Variants in ROBO2 observed in about 807,000 individuals in gnomAD.
ROBO2 encodes the protein roundabout guidance receptor 2.
A neutral mutation model predicts 160.8 loss-of-function variants in ROBO2; 53 were observed. The ratio of observed to expected loss-of-function variants is 0.33; its 90% CI spans 0.26 to 0.41. The LOEUF (loss-of-function observed/expected upper bound fraction) is 0.41, where lower values mean the gene tolerates loss of function less well. Among genes scored for constraint, ROBO2 ranks in the 10% least tolerant of loss-of-function variants. The pLI is 1.00. For missense variants in ROBO2, 1,577 were observed against 1,722.4 expected, an observed-to-expected ratio of 0.92 and a Z score of 1.49; for synonymous variants, 664 against 611.7, an observed-to-expected ratio of 1.09 and a Z score of -1.26.
At chr3:77,443,073 G>A (rs1439513682) in intron 2 of ROBO2, among the ~76,000 whole-genome samples, 1 of 152,116 alleles carries the variant, frequency 6.6e-6, no homozygotes, top group African/African-American at 2.4e-5. Flanking sequence ...ATCAAATATT[G>A]TTGCCATTCT....
chr3:77,493,515 C>T, intron 5 of ROBO2, 133 bp downstream of exon 5: 1 of 933,880 alleles, frequency 1.1e-6, no homozygotes, highest in Non-Finnish European at 1.7e-6. Context: ...TTTACATATG[C>T]AAGCCACATA....
chr3:77,570,054 T>C (rs748579447), intron 13 of ROBO2, among the ~76,000 whole-genome samples: 2 of 151,934 alleles, frequency 1.3e-5, no homozygotes, highest in Non-Finnish European at 2.9e-5. Flanking sequence ...CTTTTCTATC[T>C]TTCAGTACCC....
At chr3:76,699,572 G>A (rs1465103298) in intron 2 of ROBO2, among the ~76,000 whole-genome samples, 18 of 152,092 alleles carry the variant, frequency 1.2e-4, no homozygotes, top group Non-Finnish European at 2.6e-4. Context: ...CCCAGACTTG[G>A]AGGCAATGTA....
At chr3:77,417,276 A>G (rs1013047770) in intron 2 of ROBO2, among the ~76,000 whole-genome samples, 23 of 151,814 alleles carry the variant, frequency 1.5e-4, no homozygotes, top group African/African-American at 4.3e-4. Flanking sequence ...GTAAGTTACA[A>G]GATGGGCCAG....
chr3:77,597,811 CTT>C (rs1323208067), intron 19 of ROBO2, among the ~76,000 whole-genome samples: 1 of 151,998 alleles, frequency 6.6e-6, no homozygotes, highest in Non-Finnish European at 1.5e-5. Context: ...TTCCTAATGA[CTT>C]GAGTATAAAA....
chr3:77,295,101 G>A (rs984394063), intron 2 of ROBO2, among the ~76,000 whole-genome samples: 4 of 151,024 alleles, frequency 2.6e-5, no homozygotes, highest in African/African-American at 7.4e-5. Context: ...AAATTTGACG[G>A]TTAAAAAGGT....
At chr3:77,306,362 A>G (rs1421577077) in intron 2 of ROBO2, among the ~76,000 whole-genome samples, 1 of 152,168 alleles carries the variant, frequency 6.6e-6, no homozygotes, top group South Asian at 2.1e-4. Context: ...ATGCATTCAT[A>G]TACACCTTTT....
chr3:76,251,683 GA>G (rs1180275251), intron 2 of ROBO2, among the ~76,000 whole-genome samples: 2 of 152,142 alleles, frequency 1.3e-5, no homozygotes, highest in South Asian at 2.1e-4. Context: ...GAAAGAAAAA[GA>G]AATTAAAAGA....
At chr3:76,220,096 A>G (rs991407156) in intron 2 of ROBO2, among the ~76,000 whole-genome samples, 1 of 147,610 alleles carries the variant, frequency 6.8e-6, no homozygotes, top group Non-Finnish European at 1.5e-5. Flanking sequence ...CAAACACCGC[A>G]TGTTCTCACT....
At chr3:76,031,145 C>T (rs2066907235) in intron 2 of ROBO2, among the ~76,000 whole-genome samples, 1 of 152,064 alleles carries the variant, frequency 6.6e-6, no homozygotes, top group Non-Finnish European at 1.5e-5. Context: ...AATGGGAGTT[C>T]CCTCATGATT....
At chr3:76,949,751 C>T (rs1454439211) in intron 2 of ROBO2, among the ~76,000 whole-genome samples, 2 of 152,196 alleles carry the variant, frequency 1.3e-5, no homozygotes, top group Non-Finnish European at 2.9e-5. Context: ...AAACAGGACA[C>T]AGGCCAGGCA....
intron 2 of ROBO2, among the ~76,000 whole-genome samples, chr3:76,602,450 G>T (rs1294951539): frequency 6.6e-6 from 1 of 152,150 alleles, no homozygotes; most frequent in African/African-American, 2.4e-5. Flanking sequence ...CAAAAGAAGA[G>T]GTTTAATTCA....
chr3:77,527,736 T>G (rs2091300639), intron 6 of ROBO2, among the ~76,000 whole-genome samples: 1 of 151,410 alleles, frequency 6.6e-6, no homozygotes, highest in Non-Finnish European at 1.5e-5. Flanking sequence ...ATTGCTCTCC[T>G]TTTTTGTATG....
intron 2 of ROBO2, among the ~76,000 whole-genome samples, chr3:76,803,433 G>GAGGAAGGATGGAGAGAAGGA (rs2064391000): frequency 7.8e-6 from 1 of 128,608 alleles, no homozygotes; most frequent in African/African-American, 3.1e-5. Flanking sequence ...TACAAAAGAG[G>GAGGAAGGATGGAGAGAAGGA]AGGAAGGATG....
intron 2 of ROBO2, among the ~76,000 whole-genome samples, chr3:76,819,131 C>T (rs2065915477): frequency 6.6e-6 from 1 of 152,042 alleles, no homozygotes. Flanking sequence ...TAGATAAACA[C>T]AGCCCAATAG....
intron 5 of ROBO2, among the ~76,000 whole-genome samples, chr3:77,509,812 G>T (rs1334393907): frequency 6.6e-6 from 1 of 152,052 alleles, no homozygotes; most frequent in African/African-American, 2.4e-5. Flanking sequence ...CTAGGTTCAA[G>T]TAACTGTACT....
At chr3:77,647,112 G>C (rs2095417724) in exon 26 of ROBO2, 1 of 152,496 alleles carries the variant, frequency 6.6e-6, no homozygotes, top group African/African-American at 2.4e-5. Flanking sequence ...TACTCGGGCT[G>C]TTTCCAAATA....
chr3:76,316,620 C>T (rs1373802951), intron 2 of ROBO2, among the ~76,000 whole-genome samples: 5 of 152,018 alleles, frequency 3.3e-5, no homozygotes, highest in African/African-American at 4.8e-5. Flanking sequence ...GACATACATT[C>T]GCAGCTCATG....
intron 2 of ROBO2, among the ~76,000 whole-genome samples, chr3:76,284,604 A>C (rs926366977): frequency 7.9e-5 from 12 of 152,210 alleles, no homozygotes; most frequent in African/African-American, 2.6e-4. Context: ...GTCTGATTTC[A>C]TACTATTTTT....
Sources: gnomAD v4.1 joint callset for allele counts (sites outside exome capture counted in the v4.1 genomes callset) on GRCh38, gnomAD v4.1.1 for gene constraint, MANE v1.5 for transcripts, NCBI Gene and HGNC (gene_info 2026-07-23, HGNC 2026-07-21) for gene names.